ITSN2: variants seen among roughly 807,000 people sequenced by gnomAD.
The protein encoded by ITSN2 is intersectin 2.
ITSN2 carries 156 observed loss-of-function variants against 243.7 expected under a neutral mutation model. The ratio of observed to expected loss-of-function variants is 0.64; its 90% CI spans 0.56 to 0.73. ITSN2 has a LOEUF of 0.73. ITSN2 is among the 30% of genes least tolerant of loss of function. The probability of loss-of-function intolerance (pLI) is 0.00; values close to 1 mark genes in which losing one functional copy is unlikely to be tolerated. For missense variants in ITSN2, 1,801 were observed against 1,996.1 expected, an observed-to-expected ratio of 0.90 and a Z score of 1.86; for synonymous variants, 703 against 699.9, an observed-to-expected ratio of 1.00 and a Z score of -0.07.
chr2:24,303,440 G>A (rs1447817309), intron 9 of ITSN2, among the ~76,000 whole-genome samples: 1 of 152,132 alleles, frequency 6.6e-6, no homozygotes, highest in African/African-American at 2.4e-5. Flanking sequence ...TAAAGAATAG[G>A]ATATAAATAT....
intron 8 of ITSN2, among the ~76,000 whole-genome samples, chr2:24,307,967 T>C (rs1271033173): frequency 1.3e-5 from 2 of 152,210 alleles, no homozygotes; most frequent in African/African-American, 4.8e-5. Context: ...TAAAGCTCTA[T>C]TATTTTTAAA....
chr2:24,234,096 A>C (rs1214779995), intron 29 of ITSN2, among the ~76,000 whole-genome samples: 1 of 152,206 alleles, frequency 6.6e-6, no homozygotes, highest in African/African-American at 2.4e-5. Context: ...AAGCTGCAGT[A>C]ATCAAGCCAG....
At position 24,204,543 on chromosome 2, in the gene ITSN2, C is replaced by T. The variant is rs368391783; in HGVS notation, c.4763-125G>A. On this transcript the variant is annotated intron_variant, in intron 38 of 39. Transcript: ENST00000355123. This position sits in a 1 kb window ranked among gnomAD's most constrained non-coding sequence, Gnocchi z 5.1. ...CACTCGAGACCATGGCAGCAGGAGC[C>T]GCTGCCTGGGGCACCATATCCCTGT... The T allele has an allele frequency of 7.3e-5, 62 of 854,026 alleles. No individual in the cohort carries two copies. Among genetic ancestry groups the T allele is most frequent in the East Asian group, 6.2e-4 (25 of 40,028 alleles). The allele number at this position is 854,026 out of a possible 1,614,324, so 52.9% of individuals were successfully genotyped here. A position where few individuals can be genotyped will look rare whatever the true frequency, so the allele number is the denominator to read the frequency against.
intron 14 of ITSN2, among the ~76,000 whole-genome samples, chr2:24,294,716 T>G (rs1431651613): frequency 6.6e-6 from 1 of 152,172 alleles, no homozygotes; most frequent in African/African-American, 2.4e-5. Flanking sequence ...AAGTCAAAAT[T>G]TCCTAAAATT....
At position 24,208,268 on chromosome 2, in the gene ITSN2, G is replaced by A. The variant is rs1159628466; in HGVS notation, c.4647C>T (p.Thr1549=). Residue 1549 remains threonine, a synonymous_variant, in exon 37 of 40, where the codon ACC becomes ACT. Transcript: ENST00000355123. The part of the protein sequence containing the change: ...IKAASEQYID[T]EKKKREKAYQ... ...AAGCTTTCTCACGCTTCTTCTTCTC[G>A]GTGTCGATGTACTGCTCAGACGCCG... 5.0e-6 allele frequency: 8 copies of A among 1,612,314 alleles called. No homozygotes were observed. Among genetic ancestry groups the A allele is most frequent in the East Asian group, 2.2e-5 (1 of 44,862 alleles).
intron 30 of ITSN2, among the ~76,000 whole-genome samples, chr2:24,219,127 A>C (rs530565277): frequency 4.6e-5 from 7 of 152,278 alleles, no homozygotes; most frequent in African/African-American, 1.7e-4. Flanking sequence ...GTCCTTGTCC[A>C]AAACATAACT....
chr2:24,293,687 C>A lies in ITSN2; in HGVS notation c.1723+1G>T. 1 of 1,030,984 alleles carries A rather than the reference C, an allele frequency of 9.7e-7. No individual in the cohort carries two copies. The highest frequency in any genetic ancestry group is 1.4e-6 in the Non-Finnish European group (1 of 692,706). The allele number at this position is 1,030,984 out of a possible 1,614,324, so 63.9% of individuals were successfully genotyped here. A position where few individuals can be genotyped will look rare whatever the true frequency, so the allele number is the denominator to read the frequency against. On this transcript the variant is annotated splice_donor_variant, in intron 15 of 39. Coordinates refer to ENST00000355123, the MANE Select transcript of ITSN2 (RefSeq NM_006277.3). LOFTEE classifies it high-confidence loss of function. ...TAATCAGACAAACCTTAGAGACTTACCAGGTGTGTTACTGAACTGCATGTT... is the reference window on the plus strand; with the variant it reads ...TAATCAGACAAACCTTAGAGACTTAACAGGTGTGTTACTGAACTGCATGTT...
chr2:24,329,866 C>A (rs1685580773), intron 1 of ITSN2, among the ~76,000 whole-genome samples: 1 of 152,140 alleles, frequency 6.6e-6, no homozygotes, highest in Non-Finnish European at 1.5e-5. Context: ...AGAAGGAAGT[C>A]CCATCAATCA....
At chr2:24,267,636 C>T (rs1676831724) in intron 20 of ITSN2, among the ~76,000 whole-genome samples, 1 of 152,160 alleles carries the variant, frequency 6.6e-6, no homozygotes, top group African/African-American at 2.4e-5. Context: ...CTCACTGTAG[C>T]CTTGACCTCC....
At position 24,270,776 on chromosome 2, in the gene ITSN2, G is replaced by A; in HGVS notation, c.2258-8C>T. Reference sequence around the variant, plus strand: ...AAACACTAGCTGTCTCACCTAAAGAGAAGACAATTGTCATTATTTGCAACT... The same window carrying A: ...AAACACTAGCTGTCTCACCTAAAGAAAAGACAATTGTCATTATTTGCAACT... On this transcript the variant is annotated splice_region_variant and splice_polypyrimidine_tract_variant and intron_variant, in intron 19 of 39. Coordinates refer to ENST00000355123, the MANE Select transcript of ITSN2 (RefSeq NM_006277.3). 2 of 1,453,262 alleles carry A rather than the reference G, an allele frequency of 1.4e-6. No individual in the cohort carries two copies. The highest frequency in any genetic ancestry group is 1.9e-6 in the Non-Finnish European group (2 of 1,046,312). 90.0% of individuals were successfully genotyped at this position (1,453,262 alleles called of 1,614,324 possible).
chr2:24,278,669 T>C (rs1332278530), intron 17 of ITSN2, among the ~76,000 whole-genome samples: 1 of 141,554 alleles, frequency 7.1e-6, no homozygotes, highest in Admixed American at 7.0e-5. Flanking sequence ...TTTTTTTTTT[T>C]GAGATGGAGC....
rs1681682434 is a variant in ITSN2, at chr2:24,301,204, A to T, written c.1031T>A (p.Leu344Gln). ...GKQIDSINGT[L>Q]PSYQKMQEEE... ...TTCTTGCATTTTCTGATATGAAGGC[A>T]GAGTTCCATTAATGGAATCAATTTG... The change falls in exon 11 of 40, where the codon CTG becomes CAG. Residue 344 changes from leucine to glutamine, a missense_variant. Physicochemically the swap from Leu to Gln is moderately radical, Grantham distance 113. Coordinates refer to ENST00000355123, the MANE Select transcript of ITSN2 (RefSeq NM_006277.3). The T allele has an allele frequency of 5.6e-6, 9 of 1,609,446 alleles. No individual in the cohort carries two copies. Among genetic ancestry groups the T allele is most frequent in the Non-Finnish European group, 7.6e-6 (9 of 1,177,260 alleles).
intron 13 of ITSN2, among the ~76,000 whole-genome samples, chr2:24,297,042 T>C (rs1681055603): frequency 6.6e-6 from 1 of 152,318 alleles, no homozygotes; most frequent in African/African-American, 2.4e-5. Flanking sequence ...CAAGATGATA[T>C]ATATATATAA....
At chr2:24,237,423 TAGG>T (rs3036189) in intron 29 of ITSN2, among the ~76,000 whole-genome samples, 148,825 of 152,182 alleles carry the variant, frequency 0.98, 72,768 homozygotes, top group East Asian at 0.99. Flanking sequence ...GCTGATCTTC[TAGG>T]AGGTCTGATC....
At chr2:24,330,857 C>T (rs560546363) in intron 1 of ITSN2, among the ~76,000 whole-genome samples, 4 of 151,900 alleles carry the variant, frequency 2.6e-5, no homozygotes, top group East Asian at 3.9e-4. Flanking sequence ...ACCTCCACCT[C>T]GTGGGTTCAC....
intron 2 of ITSN2, among the ~76,000 whole-genome samples, chr2:24,319,228 A>C (rs1409454270): frequency 6.6e-6 from 1 of 152,186 alleles, no homozygotes; most frequent in Non-Finnish European, 1.5e-5. Context: ...GGAAATGGTA[A>C]AGTTATGGCT....
rs1003026719 is a variant in ITSN2 at position 24,235,457 on chromosome 2, A to T, written c.3577+10672T>A. 2.0e-5 allele frequency among the ~76,000 whole-genome samples: 3 copies of T among 152,134 alleles called. No individual in the cohort carries two copies. The South Asian group carries it at 6.2e-4, about 31-fold the overall frequency. ...ATCCCACAGAATGCACAGCACCAAG[A>T]CTGAACCCTAATGTAAACTACAGAC... On this transcript the variant is annotated intron_variant, in intron 29 of 39. Transcript: ENST00000355123.
At chr2:24,223,597 G>A (rs1327452387) in intron 29 of ITSN2, among the ~76,000 whole-genome samples, 1 of 150,874 alleles carries the variant, frequency 6.6e-6, no homozygotes, top group Non-Finnish European at 1.5e-5. Flanking sequence ...AGGCTGGGAG[G>A]ACTGCTTGAG....
intron 1 of ITSN2, among the ~76,000 whole-genome samples, chr2:24,348,985 G>A (rs2151934944): frequency 6.6e-6 from 1 of 152,110 alleles, no homozygotes; most frequent in South Asian, 2.1e-4. Context: ...AATAAATGTG[G>A]GCCAGTTGCA....
Sources: allele counts gnomAD v4.1 joint callset (sites outside exome capture counted in the v4.1 genomes callset), GRCh38; gene constraint gnomAD v4.1.1; non-coding constraint Gnocchi (gnomAD v3.1); transcripts MANE v1.5; gene names NCBI Gene and HGNC (gene_info 2026-07-23, HGNC 2026-07-21).